Variants in MYLK observed in about 807,000 individuals in gnomAD.
MYLK encodes myosin light chain kinase.
In MYLK, 106 loss-of-function variants were observed where a neutral mutation model predicts 203.4. The observed-to-expected ratio is 0.52, with a 90% confidence interval of 0.45 to 0.61. MYLK has a LOEUF of 0.61. MYLK is among the 20% of genes least tolerant of loss of function. The pLI, the probability that MYLK is intolerant of heterozygous loss-of-function variation, is 0.00. For missense variants in MYLK, 2,072 were observed against 2,442.3 expected, an observed-to-expected ratio of 0.85 and a Z score of 3.20; for synonymous variants, 867 against 959.5, an observed-to-expected ratio of 0.90 and a Z score of 1.78.
rs762584813 is a variant in MYLK, at chr3:123,793,863, A to G, written c.-3-19T>C. On this transcript the variant is annotated intron_variant, in intron 3 of 33. Coordinates refer to ENST00000360304, the MANE Select transcript of MYLK (RefSeq NM_053025.4). ...CCATGGTCTGCAAAAAGGAAGGAAGAGGACAAGGTCAGATCAGACAAAGCA... is the reference window on the plus strand; with the variant it reads ...CCATGGTCTGCAAAAAGGAAGGAAGGGGACAAGGTCAGATCAGACAAAGCA... 9.9e-6 allele frequency: 16 copies of G among 1,613,956 alleles called. No homozygotes were observed. The African/African-American group carries it at 2.1e-4, about 22-fold the overall frequency.
intron 4 of MYLK, among the ~76,000 whole-genome samples, chr3:123,784,131 G>A (rs1015674021): frequency 9.9e-5 from 15 of 152,198 alleles, no homozygotes; most frequent in Non-Finnish European, 1.9e-4. Flanking sequence ...TTAGTGTTGG[G>A]AGATGCCTTG....
At chr3:123,882,242 C>T (rs999448360) in intron 1 of MYLK, among the ~76,000 whole-genome samples, 5 of 152,028 alleles carry the variant, frequency 3.3e-5, no homozygotes, top group East Asian at 1.9e-4. Flanking sequence ...GGTAGGACCC[C>T]ATCTCTACAA....
At chr3:123,851,317 CTA>C (rs1024165839) in intron 2 of MYLK, among the ~76,000 whole-genome samples, 3 of 152,158 alleles carry the variant, frequency 2.0e-5, no homozygotes, top group Non-Finnish European at 4.4e-5. Context: ...TGGCCTGAAT[CTA>C]TAAATTACCT....
chr3:123,750,243 T>A (rs928659209), intron 5 of MYLK, among the ~76,000 whole-genome samples: 5 of 152,234 alleles, frequency 3.3e-5, no homozygotes, highest in Admixed American at 2.0e-4. Flanking sequence ...ATGTCTTAAT[T>A]TTATTTTAAT....
chr3:123,684,259 T>C (rs1380689364), intron 19 of MYLK, among the ~76,000 whole-genome samples: 1 of 152,134 alleles, frequency 6.6e-6, no homozygotes, highest in African/African-American at 2.4e-5. Context: ...CACGATATGA[T>C]CCAGAAGCTC....
chr3:123,784,371 A>ACTTT (rs1228086283), intron 4 of MYLK, among the ~76,000 whole-genome samples: 1 of 123,608 alleles, frequency 8.1e-6, no homozygotes, highest in South Asian at 2.7e-4. Flanking sequence ...TCATGGGTTG[A>ACTTT]CTTTCTTTTT....
rs901872373 is a variant in MYLK at position 123,612,050 on chromosome 3, T to C, written c.*2055A>G. On this transcript the variant is annotated 3_prime_UTR_variant, in exon 34 of 34. Coordinates refer to ENST00000360304, the MANE Select transcript of MYLK (RefSeq NM_053025.4). ...CCGGGGGTTGGGGACACCTGCTCTA[T>C]AAGATATCCTTCTAGAATGATTGAT... 3 of 152,374 alleles carry C rather than the reference T, an allele frequency of 2.0e-5. No homozygotes were observed. The highest frequency in any genetic ancestry group is 6.5e-5 in the Admixed American group (1 of 15,268). The allele number at this position is 152,374 out of a possible 1,614,324, so 9.4% of individuals were successfully genotyped here.
intron 20 of MYLK, among the ~76,000 whole-genome samples, chr3:123,674,436 C>T (rs372749748): frequency 1.1e-4 from 16 of 152,306 alleles, no homozygotes; most frequent in African/African-American, 3.6e-4. Context: ...TGCCCATTGC[C>T]ACTCAGGATC....
At chr3:123,863,588 A>G (rs969439507) in intron 2 of MYLK, among the ~76,000 whole-genome samples, 9 of 152,182 alleles carry the variant, frequency 5.9e-5, no homozygotes, top group Admixed American at 1.3e-4. Flanking sequence ...TAAATGGCCA[A>G]TAGGCACATA....
At chr3:123,747,507 G>A (rs1406750988) in intron 5 of MYLK, among the ~76,000 whole-genome samples, 1 of 152,184 alleles carries the variant, frequency 6.6e-6, no homozygotes, top group Non-Finnish European at 1.5e-5. Context: ...TCTGATGCAT[G>A]CTCAAGTTTG....
intron 27 of MYLK, 22 bp downstream of exon 27, chr3:123,647,202 C>T (rs1391257859): frequency 6.2e-7 from 1 of 1,611,296 alleles, no homozygotes; most frequent in East Asian, 2.2e-5. Flanking sequence ...GGTGCCCACG[C>T]TGCTGGCAGT....
chr3:123,734,444 C>T (rs1313475105), intron 9 of MYLK: 2 of 489,466 alleles, frequency 4.1e-6, no homozygotes, highest in East Asian at 3.3e-5. Context: ...CACAACCCTG[C>T]CCAGAGCCCT....
At chr3:123,697,928 T>C (rs1386661144) in intron 18 of MYLK, among the ~76,000 whole-genome samples, 3 of 151,768 alleles carry the variant, frequency 2.0e-5, no homozygotes, top group Non-Finnish European at 2.9e-5. Context: ...GAGGCTGGAG[T>C]GGCTAGGATC....
At chr3:123,678,537 A>T (rs2108429973) in intron 20 of MYLK, among the ~76,000 whole-genome samples, 1 of 151,838 alleles carries the variant, frequency 6.6e-6, no homozygotes, top group East Asian at 2.0e-4. Flanking sequence ...TGTGCAGAAG[A>T]GGGAACTGGT....
intron 16 of MYLK, among the ~76,000 whole-genome samples, chr3:123,705,933 G>A (rs1477007635): frequency 6.6e-6 from 1 of 152,054 alleles, no homozygotes; most frequent in Non-Finnish European, 1.5e-5. Context: ...ACACATCATC[G>A]GTTTCCATTC....
chr3:123,666,471 A>G (rs2059738905), intron 21 of MYLK, 125 bp from the exon 22 acceptor site: 8 of 1,329,722 alleles, frequency 6.0e-6, no homozygotes, highest in African/African-American at 5.8e-5. Flanking sequence ...TCAGGGTAAG[A>G]CTGAGGGGCA....
At chr3:123,827,902 T>TA (rs1000710828) in intron 3 of MYLK, among the ~76,000 whole-genome samples, 24 of 146,780 alleles carry the variant, frequency 1.6e-4, no homozygotes, top group Non-Finnish European at 3.0e-4. Flanking sequence ...CAATAGCTAC[T>TA]AAAAAAAAAT....
At chr3:123,725,415 A>G (rs902587420) in intron 12 of MYLK, among the ~76,000 whole-genome samples, 3 of 152,220 alleles carry the variant, frequency 2.0e-5, no homozygotes, top group Non-Finnish European at 2.9e-5. Flanking sequence ...CAAAAAAAAG[A>G]GTTGGCGAGT....
chr3:123,707,849 A>G lies in MYLK; in HGVS notation c.2295T>C (p.Thr765=), dbSNP rs1340044402. The change falls in exon 16 of 34, where the codon ACT becomes ACC. Residue 765 remains threonine, a synonymous_variant. Transcript: ENST00000360304. ...CATTCTGAAGCACCTCGAAGTGGCC[A>G]GTGTCTTTGCAGAGGGCTTTGCCAT... ...LRDGKALCKD[T]GHFEVLQNED... The G allele has an allele frequency of 3.7e-6, 6 of 1,614,234 alleles. No individual in the cohort carries two copies. Among genetic ancestry groups the G allele is most frequent in the Non-Finnish European group, 5.1e-6 (6 of 1,180,054 alleles).
Sources: gnomAD v4.1 joint callset for allele counts (sites outside exome capture counted in the v4.1 genomes callset) on GRCh38, gnomAD v4.1.1 for gene constraint, MANE v1.5 for transcripts, NCBI Gene and HGNC (gene_info 2026-07-23, HGNC 2026-07-21) for gene names.